The following HMGB3 variants were observed in gnomAD, a reference collection of about 807,000 sequenced individuals.
HMGB3 encodes the protein high mobility group protein B3.
In HMGB3, 1 loss-of-function variant was observed where a neutral mutation model predicts 12.9. The observed-to-expected ratio is 0.08, with a 90% confidence interval of 0.03 to 0.37. HMGB3 has a LOEUF of 0.37. HMGB3 is among the 10% of genes least tolerant of loss of function. HMGB3 has a pLI of 0.99. For synonymous variants in HMGB3, 61 were observed against 53.9 expected (o/e 1.13, Z -0.57); for missense variants, 74 against 153.3 (o/e 0.48, Z 2.73).
At chrX:150,984,237 A>G (rs2048023992) in intron 1 of HMGB3, among the ~76,000 whole-genome samples, 1 of 90,185 alleles carries the variant, frequency 1.1e-5, no homozygotes, top group Non-Finnish European at 2.2e-5. Context: ...TCATGGCTGC[A>G]CGGGCGCCTT....
Sources: gnomAD v4.1 joint callset for allele counts (sites outside exome capture counted in the v4.1 genomes callset) on GRCh38, gnomAD v4.1.1 for gene constraint, MANE v1.5 for transcripts, NCBI Gene and HGNC (gene_info 2026-07-23, HGNC 2026-07-21) for gene names.